Variants in RERE observed in about 807,000 individuals in gnomAD.
RERE encodes the protein arginine-glutamic acid dipeptide repeats, also known as arginine-glutamic acid dipeptide repeats protein.
Under a neutral mutation model 146.1 loss-of-function variants are expected in RERE, and 40 were observed. The ratio of observed to expected loss-of-function variants is 0.27; its 90% CI spans 0.21 to 0.36. The LOEUF is 0.36. Among genes scored for constraint, RERE ranks in the 10% least tolerant of loss-of-function variants. The probability of loss-of-function intolerance (pLI) is 1.00; values close to 1 mark genes in which losing one functional copy is unlikely to be tolerated. For missense variants in RERE, 1,933 were observed against 2,138.7 expected (o/e 0.90, Z 1.90); for synonymous variants, 1,003 against 866.0 (o/e 1.16, Z -2.78).
intron 1 of RERE, among the ~76,000 whole-genome samples, chr1:8,732,952 G>C (rs1287299247): frequency 6.6e-6 from 1 of 150,452 alleles, no homozygotes; most frequent in Non-Finnish European, 1.5e-5. Context: ...CTCCCGAGTA[G>C]CTGGGACTAC....
intron 2 of RERE, among the ~76,000 whole-genome samples, chr1:8,647,039 T>C (rs893112947): frequency 3.3e-5 from 5 of 152,308 alleles, no homozygotes; most frequent in South Asian, 2.1e-4. Flanking sequence ...TGAGCAATGA[T>C]CATGCCATAG....
At chr1:8,485,624 C>A (rs1410863723) in intron 10 of RERE, among the ~76,000 whole-genome samples, 2 of 151,864 alleles carry the variant, frequency 1.3e-5, no homozygotes, top group Non-Finnish European at 2.9e-5. Flanking sequence ...AAACAGACTT[C>A]AAGACAAAGA....
At chr1:8,789,172 C>T (rs1198792768) in intron 1 of RERE, among the ~76,000 whole-genome samples, 6 of 148,958 alleles carry the variant, frequency 4.0e-5, no homozygotes, top group Non-Finnish European at 1.5e-5. Flanking sequence ...AGGCTGGGCA[C>T]AGTGGCTCAC....
chr1:8,649,482 C>A (rs1223732845), intron 2 of RERE, among the ~76,000 whole-genome samples: 1 of 152,004 alleles, frequency 6.6e-6, no homozygotes, highest in Non-Finnish European at 1.5e-5. Flanking sequence ...GTAATCCCAG[C>A]AGTTTGGGAG....
chr1:8,486,755 TAAAAAAAA>T (rs33956517), intron 10 of RERE, among the ~76,000 whole-genome samples: 1 of 122,350 alleles, frequency 8.2e-6, no homozygotes, highest in Non-Finnish European at 1.7e-5. Flanking sequence ...GAGTCCATCT[TAAAAAAAA>T]AAAAAAAAAG....
At chr1:8,533,340 T>C (rs956122953) in intron 7 of RERE, among the ~76,000 whole-genome samples, 2 of 152,212 alleles carry the variant, frequency 1.3e-5, no homozygotes, top group Non-Finnish European at 2.9e-5. Flanking sequence ...ACAGTCTCTT[T>C]CTGAAGCTTC....
chr1:8,613,575 A>G (rs1380631673), intron 4 of RERE, among the ~76,000 whole-genome samples: 1 of 152,212 alleles, frequency 6.6e-6, no homozygotes, highest in African/African-American at 2.4e-5. Context: ...CTACGACCCA[A>G]GATATTAATA....
chr1:8,492,978 G>T (rs1269539214), intron 10 of RERE, among the ~76,000 whole-genome samples: 1 of 152,238 alleles, frequency 6.6e-6, no homozygotes, highest in Non-Finnish European at 1.5e-5. Context: ...GGAAGCTGAA[G>T]TGGGAGGATC....
chr1:8,739,671 T>C (rs1219620205), intron 1 of RERE, among the ~76,000 whole-genome samples: 1 of 152,046 alleles, frequency 6.6e-6, no homozygotes, highest in Non-Finnish European at 1.5e-5. Context: ...AATCAATAAC[T>C]GACACAAGCA....
chr1:8,627,462 T>G (rs1016992995), intron 2 of RERE, among the ~76,000 whole-genome samples: 3 of 151,734 alleles, frequency 2.0e-5, no homozygotes, highest in Non-Finnish European at 4.4e-5. Context: ...ATTAGCTGGG[T>G]GTGGTGGCAC....
At chr1:8,539,561 A>G (rs976397987) in intron 7 of RERE, among the ~76,000 whole-genome samples, 8 of 152,130 alleles carry the variant, frequency 5.3e-5, no homozygotes, top group Admixed American at 3.3e-4. Flanking sequence ...GTGTGCCACC[A>G]TGCCCAGCTA....
chr1:8,468,325 A>G (rs1280530658), intron 10 of RERE, among the ~76,000 whole-genome samples: 1 of 152,236 alleles, frequency 6.6e-6, no homozygotes, highest in Non-Finnish European at 1.5e-5. Context: ...GATCTGAAAT[A>G]AAGTCAGATT....
At chr1:8,742,564 C>G (rs979229886) in intron 1 of RERE, among the ~76,000 whole-genome samples, 1 of 152,106 alleles carries the variant, frequency 6.6e-6, no homozygotes, top group Admixed American at 6.6e-5. Flanking sequence ...CTCACACCTG[C>G]GATCCCAGCG....
chr1:8,561,897 C>G (rs546911041), intron 4 of RERE, among the ~76,000 whole-genome samples: 1 of 152,304 alleles, frequency 6.6e-6, no homozygotes, highest in South Asian at 2.1e-4. Context: ...TAAAGCCAGA[C>G]GTGAATTTAG....
intron 8 of RERE, among the ~76,000 whole-genome samples, chr1:8,503,291 G>A (rs1410233034): frequency 6.6e-6 from 1 of 152,136 alleles, no homozygotes; most frequent in African/African-American, 2.4e-5. Context: ...AACACAAACT[G>A]ATACAATCTC....
At chr1:8,458,579 A>G (rs995386081) in intron 11 of RERE, among the ~76,000 whole-genome samples, 5 of 150,408 alleles carry the variant, frequency 3.3e-5, no homozygotes, top group African/African-American at 9.7e-5. Flanking sequence ...GCATGCGCGC[A>G]CACACACATA....
chr1:8,417,658 T>C (rs995449983), intron 12 of RERE, among the ~76,000 whole-genome samples: 1 of 152,178 alleles, frequency 6.6e-6, no homozygotes, highest in African/African-American at 2.4e-5. Flanking sequence ...ATCCTATACA[T>C]ACTTCGGTAG....
chr1:8,522,907 CACGCTGGCCT>C (rs1220475149), intron 7 of RERE, among the ~76,000 whole-genome samples: 8 of 151,282 alleles, frequency 5.3e-5, no homozygotes, highest in African/African-American at 1.9e-4. Flanking sequence ...TCAGGCCAGG[CACGCTGGCCT>C]GTAATCCTGG....
Position 8,358,634 on chromosome 1 carries a change from C to A in RERE, c.3901G>T (p.Glu1301Ter). ...GLYNVDPTIR[E>*]RELREREIRE... is the part of the protein sequence containing the mutation. ...ATCTCCCGCTCCCGGAGCTCCCGCT[C>A]GCGGATGGTGGGGTCGACGTTGTAG... Residue 1301 changes from glutamate (E) to a stop codon, truncating the protein, a stop_gained, in exon 20 of 23, where the codon GAG (glutamate) becomes TAG (stop). Coordinates refer to ENST00000400908, the MANE Select transcript of RERE (RefSeq NM_001042681.2). LOFTEE classifies it high-confidence loss of function. The A allele has an allele frequency of 6.3e-7, 1 of 1,587,086 alleles. No homozygotes were observed. Among genetic ancestry groups the A allele is most frequent in the Non-Finnish European group, 8.6e-7 (1 of 1,167,212 alleles).
Sources: gnomAD v4.1 joint callset for allele counts (sites outside exome capture counted in the v4.1 genomes callset) on GRCh38, gnomAD v4.1.1 for gene constraint, MANE v1.5 for transcripts, NCBI Gene and HGNC (gene_info 2026-07-23, HGNC 2026-07-21) for gene names.